Variants in RCBTB1 observed in about 807,000 individuals in gnomAD.
RCBTB1 encodes RCC1 and BTB domain containing protein 1, also known as RCC1 and BTB domain-containing protein 1.
A neutral mutation model predicts 62.4 loss-of-function variants in RCBTB1; 46 were observed. That is an observed-to-expected ratio of 0.74 (90% confidence interval 0.58 to 0.94). The LOEUF (loss-of-function observed/expected upper bound fraction) is 0.94. Ranked by LOEUF, RCBTB1 falls within the 40% of genes least tolerant of loss-of-function variation. The pLI is 0.00. For synonymous variants in RCBTB1, 222 were observed against 245.8 expected (o/e 0.90, Z 0.91); for missense variants, 565 against 654.9 (o/e 0.86, Z 1.50).
intron 8 of RCBTB1, 171 bp downstream of exon 8, chr13:49,551,155 A>AAGGGGGAAGGGGGAAGCG: frequency 1.8e-6 from 1 of 550,584 alleles, no homozygotes; most frequent in South Asian, 2.5e-5. Context: ...AGGGGGAAGC[A>AAGGGGGAAGGGGGAAGCG]GGGAGGGAGA....
chr13:49,571,389 G>A (rs748716776), intron 2 of RCBTB1, among the ~76,000 whole-genome samples: 2 of 152,000 alleles, frequency 1.3e-5, no homozygotes, highest in African/African-American at 2.4e-5. Context: ...AAAGCATTCC[G>A]CAAAATGCTT....
intron 5 of RCBTB1, among the ~76,000 whole-genome samples, chr13:49,556,359 T>G (rs1317816545): frequency 3.9e-5 from 6 of 151,976 alleles, no homozygotes; most frequent in Admixed American, 3.9e-4. Flanking sequence ...CCCGGCTAAT[T>G]TTTTGTATTT....
At chr13:49,564,392 C>T (rs1260223610) in intron 4 of RCBTB1, among the ~76,000 whole-genome samples, 1 of 151,422 alleles carries the variant, frequency 6.6e-6, no homozygotes, top group Non-Finnish European at 1.5e-5. Flanking sequence ...CCAGACCAAC[C>T]TGGCCAATAT....
chr13:49,560,608 C>T, intron 4 of RCBTB1, among the ~76,000 whole-genome samples: 1 of 61,070 alleles, frequency 1.6e-5, no homozygotes, highest in Admixed American at 2.0e-4. Flanking sequence ...TGAAATCTGG[C>T]TGAATTTTTT....
chr13:49,555,569 T>A lies in RCBTB1; in HGVS notation c.549A>T (p.Val183=), dbSNP rs1230437379. The part of the protein sequence containing the change: ...KVTNCLHIKR[V]VGIACGQTSS... ...AAGTCTGACCACAGGCAATGCCAAC[T>A]ACCCTCTTAATATGTAAACAGTTTG... The change falls in exon 6 of 13, where the codon GTA becomes GTT. Residue 183 remains valine (V), a synonymous_variant. Coordinates refer to ENST00000378302, the MANE Select transcript of RCBTB1 (RefSeq NM_018191.4). 3 of 1,613,864 alleles carry A rather than the reference T, an allele frequency of 1.9e-6. No homozygotes were observed. Among genetic ancestry groups the A allele is most frequent in the Non-Finnish European group, 2.5e-6 (3 of 1,179,728 alleles).
At chr13:49,550,425 G>A (rs550316278) in intron 8 of RCBTB1, 6 of 984,388 alleles carry the variant, frequency 6.1e-6, no homozygotes, top group East Asian at 2.3e-4. Flanking sequence ...TTTCTCAGTA[G>A]TATGCTTCTT....
chr13:49,577,823 A>T (rs985589240), intron 2 of RCBTB1, among the ~76,000 whole-genome samples: 5 of 152,354 alleles, frequency 3.3e-5, no homozygotes, highest in African/African-American at 1.2e-4. Flanking sequence ...GCAAGCTTTA[A>T]ACTACTCAAA....
At chr13:49,554,475 T>A (rs1375031856) in intron 6 of RCBTB1, among the ~76,000 whole-genome samples, 2 of 152,194 alleles carry the variant, frequency 1.3e-5, no homozygotes, top group Non-Finnish European at 2.9e-5. Flanking sequence ...ATAAGGTCTA[T>A]GCATAAACTC....
At chr13:49,550,615 TAA>T (rs1421492451) in intron 8 of RCBTB1, among the ~76,000 whole-genome samples, 2 of 152,154 alleles carry the variant, frequency 1.3e-5, no homozygotes, top group Non-Finnish European at 2.9e-5. Flanking sequence ...TGGCTCAAAG[TAA>T]AAGTTTATAT....
intron 5 of RCBTB1, among the ~76,000 whole-genome samples, chr13:49,557,114 C>T (rs1961980494): frequency 6.6e-6 from 1 of 152,162 alleles, no homozygotes; most frequent in African/African-American, 2.4e-5. Context: ...GGTTTGTTCA[C>T]TTATAAGTTG....
At chr13:49,567,635 A>G (rs1268562142) in intron 2 of RCBTB1, among the ~76,000 whole-genome samples, 1 of 152,218 alleles carries the variant, frequency 6.6e-6, no homozygotes, top group African/African-American at 2.4e-5. Flanking sequence ...CCAAAGCAGC[A>G]GGTCAAGACC....
chr13:49,551,519 G>C lies in RCBTB1; in HGVS notation c.712-51C>G, dbSNP rs372793586. ...ATTAGCAGGAAAACAGGAAGGGCAG[G>C]GAGAACATCTACTTAAAGGCTATAG... On this transcript the variant is annotated intron_variant, in intron 7 of 12. Coordinates refer to ENST00000378302, the MANE Select transcript of RCBTB1 (RefSeq NM_018191.4). 5.6e-6 allele frequency: 9 copies of C among 1,604,292 alleles called. No individual in the cohort carries two copies. In the African/African-American group the frequency reaches 1.2e-4, roughly 21 times the overall value.
chr13:49,557,615 G>A lies in RCBTB1; in HGVS notation c.445-1942C>T, dbSNP rs192670807. Among the ~76,000 whole-genome samples the A allele has an allele frequency of 3.3e-5, 5 of 152,222 alleles. No individual in the cohort carries two copies. The East Asian group carries it at 9.7e-4, about 29-fold the overall frequency. ...GTCTTAGCAAAGAGCATGGGACTCAGCTGCCTTAAAAAATGAACTCTAGGT... is the reference window on the plus strand; with the variant it reads ...GTCTTAGCAAAGAGCATGGGACTCAACTGCCTTAAAAAATGAACTCTAGGT... On this transcript the variant is annotated intron_variant, in intron 5 of 12. Coordinates refer to ENST00000378302, the MANE Select transcript of RCBTB1 (RefSeq NM_018191.4).
chr13:49,558,055 A>G (rs1962090740), intron 5 of RCBTB1, among the ~76,000 whole-genome samples: 1 of 152,240 alleles, frequency 6.6e-6, no homozygotes, highest in Admixed American at 6.5e-5. Flanking sequence ...TCATTTTGTT[A>G]TAACACTAAT....
chr13:49,564,061 C>CAG (rs1193856923), intron 4 of RCBTB1, among the ~76,000 whole-genome samples: 1 of 152,150 alleles, frequency 6.6e-6, no homozygotes, highest in South Asian at 2.1e-4. Flanking sequence ...AATGAATTTT[C>CAG]AGAGAGTGTT....
chr13:49,567,293 A>G lies in RCBTB1; in HGVS notation c.-14T>C. 1 of 1,613,482 alleles carries G rather than the reference A, an allele frequency of 6.2e-7. No individual in the cohort carries two copies. Among genetic ancestry groups the G allele is most frequent in the Non-Finnish European group, 8.5e-7 (1 of 1,179,632 alleles). ...GACATCCACCATGACTCTGGCTTCA[A>G]GCAATTCCTATAAATAAGCCGACAT... On this transcript the variant is annotated 5_prime_UTR_variant, in exon 3 of 13. Transcript: ENST00000378302.
In RCBTB1 at chr13:49,567,333, A is replaced by G; in HGVS notation, c.-41-13T>C. On this transcript the variant is annotated splice_polypyrimidine_tract_variant and intron_variant, in intron 2 of 12. Coordinates refer to ENST00000378302, the MANE Select transcript of RCBTB1 (RefSeq NM_018191.4). Reference sequence around the variant, plus strand: ...TAAGCCGACATCTCTGCTGGAACAGAAAGGATTCCAGAAAAAAATTAAATA... The same window carrying G: ...TAAGCCGACATCTCTGCTGGAACAGGAAGGATTCCAGAAAAAAATTAAATA... The G allele has an allele frequency of 1.3e-6, 2 of 1,579,962 alleles. No individual in the cohort carries two copies. Among genetic ancestry groups the G allele is most frequent in the Non-Finnish European group, 1.7e-6 (2 of 1,160,488 alleles).
intron 8 of RCBTB1, chr13:49,551,112 G>C (rs893326466): frequency 2.0e-6 from 1 of 495,868 alleles, no homozygotes; most frequent in Admixed American, 3.8e-5. Context: ...AAAGGGAAGG[G>C]AAGGGAAGGG....
At position 49,566,710 on chromosome 13, in the gene RCBTB1, G is replaced by A. The variant is rs759266417; in HGVS notation, c.185C>T (p.Thr62Ile). 17 of 1,613,932 alleles carry A rather than the reference G, an allele frequency of 1.1e-5. No homozygotes were observed. The highest frequency in any genetic ancestry group is 1.4e-5 in the Non-Finnish European group (17 of 1,179,830). Reference sequence around the variant, plus strand: ...GCCTTCTAGCTTTTTGGGTACAAGTGTACTCTGGTTATCTCCAGTTCCTAG... The same window carrying A: ...GCCTTCTAGCTTTTTGGGTACAAGTATACTCTGGTTATCTCCAGTTCCTAG... ...NCLGTGDNQSTLVPKKLEGLC... is the reference protein window; with the variant it reads ...NCLGTGDNQSILVPKKLEGLC... The change falls in exon 4 of 13, where the codon ACA (threonine) becomes ATA (isoleucine). Residue 62 changes from threonine to isoleucine, a missense_variant. Transcript: ENST00000378302.
Sources: gnomAD v4.1 joint callset for allele counts (sites outside exome capture counted in the v4.1 genomes callset) on GRCh38, gnomAD v4.1.1 for gene constraint, MANE v1.5 for transcripts, NCBI Gene and HGNC (gene_info 2026-07-23, HGNC 2026-07-21) for gene names.